The following CDYL variants were observed in gnomAD, a reference collection of about 807,000 sequenced individuals.
CDYL encodes chromodomain Y like.
Under a neutral mutation model 47.3 loss-of-function variants are expected in CDYL, and 8 were observed. The observed-to-expected ratio is 0.17, with a 90% CI of 0.10 to 0.31. CDYL has a LOEUF of 0.31. Among genes scored for constraint, CDYL ranks in the 10% least tolerant of loss-of-function variants. The pLI is 1.00. For missense variants in CDYL, 471 were observed against 701.4 expected (o/e 0.67, Z 3.71); for synonymous variants, 266 against 265.0 (o/e 1.00, Z -0.04).
At chr6:4,750,553 G>A (rs1757971893) in intron 3 of CDYL, among the ~76,000 whole-genome samples, 1 of 152,296 alleles carries the variant, frequency 6.6e-6, no homozygotes, top group Non-Finnish European at 1.5e-5. Context: ...GGTAGTCTCA[G>A]CTACTCAGGA....
At chr6:4,782,014 C>A (rs998375826) in intron 1 of CDYL, among the ~76,000 whole-genome samples, 2 of 132,574 alleles carry the variant, frequency 1.5e-5, no homozygotes, top group African/African-American at 5.6e-5. Flanking sequence ...TTAGGAGCCT[C>A]TGGATACGCC....
intron 3 of CDYL, among the ~76,000 whole-genome samples, chr6:4,755,660 T>G: frequency 6.6e-6 from 1 of 152,334 alleles, no homozygotes; most frequent in South Asian, 2.1e-4. Context: ...AGAAAACTTT[T>G]ATCAATTATA....
chr6:4,841,744 G>A (rs1760496281), intron 1 of CDYL, among the ~76,000 whole-genome samples: 1 of 151,842 alleles, frequency 6.6e-6, no homozygotes, highest in Middle Eastern at 3.2e-3. Flanking sequence ...TTATTCCACT[G>A]TGGTCTGAAA....
chr6:4,875,469 G>A (rs573543144), intron 1 of CDYL, among the ~76,000 whole-genome samples: 1 of 152,038 alleles, frequency 6.6e-6, no homozygotes, highest in African/African-American at 2.4e-5. Flanking sequence ...CAATTTATAG[G>A]TACTCTTTAA....
chr6:4,937,873 T>C, intron 4 of CDYL, 136 bp downstream of exon 4: 2 of 665,530 alleles, frequency 3.0e-6, no homozygotes, highest in Non-Finnish European at 4.9e-6. Context: ...AGCAGCAAAA[T>C]TAATTAAATC....
intron 1 of CDYL, among the ~76,000 whole-genome samples, chr6:4,816,691 G>A (rs1348290724): frequency 1.3e-5 from 2 of 151,862 alleles, no homozygotes; most frequent in African/African-American, 4.8e-5. Flanking sequence ...GTTTTGCGAT[G>A]TTGCCCAGGC....
Position 4,935,750 on chromosome 6 carries a change from G to A in CDYL, c.927G>A (p.Glu309=), listed in dbSNP as rs774469826. The A allele has an allele frequency of 1.2e-6, 2 of 1,614,268 alleles. No homozygotes were observed. Among genetic ancestry groups the A allele is most frequent in the Non-Finnish European group, 8.5e-7 (1 of 1,180,046 alleles). The change falls in exon 3 of 7, where the codon GAG becomes GAA. Residue 309 remains glutamate, a synonymous_variant. Transcript: ENST00000397588. The part of the protein sequence containing the change: ...THILLSTKSS[E]NNSLNPEVMR... The stretch of plus-strand genomic sequence containing the variant: ...TCTTGTTATCCACAAAGTCCTCAGA[G>A]AATAACTCACTAAATCCAGAGGTGA...
chr6:4,900,809 A>C (rs192698182), intron 2 of CDYL, among the ~76,000 whole-genome samples: 34 of 95,854 alleles, frequency 3.5e-4, no homozygotes, highest in African/African-American at 1.4e-3. Context: ...ATATATATAT[A>C]TATATATATA....
chr6:4,719,263 T>A (rs1683431286), intron 2 of CDYL, among the ~76,000 whole-genome samples: 1 of 152,226 alleles, frequency 6.6e-6, no homozygotes, highest in African/African-American at 2.4e-5. Flanking sequence ...ATAATAAACA[T>A]CTTCATATGT....
intron 2 of CDYL, among the ~76,000 whole-genome samples, chr6:4,914,423 C>T (rs1757499686): frequency 6.6e-6 from 1 of 152,162 alleles, no homozygotes; most frequent in Non-Finnish European, 1.5e-5. Context: ...CCAGTCCACA[C>T]GCAGCCTCTT....
rs568359437 is a variant in CDYL, at chr6:4,850,600, G to A, written c.25-41113G>A. ...ACTGTATAGCCCTAAAATTTATAAT[G>A]GTTCAGGAGAACTTTGGATATAATA... On this transcript the variant is annotated intron_variant, in intron 1 of 6. Transcript: ENST00000397588. 9.2e-5 allele frequency among the ~76,000 whole-genome samples: 14 copies of A among 152,208 alleles called. 1 individual carries two copies. The South Asian group carries it at 2.9e-3, about 32-fold the overall frequency.
chr6:4,718,921 T>C (rs1757320384), intron 2 of CDYL, among the ~76,000 whole-genome samples: 1 of 152,080 alleles, frequency 6.6e-6, no homozygotes, highest in Non-Finnish European at 1.5e-5. Flanking sequence ...GGTTTTTTTT[T>C]TTCTTTTTTT....
Position 4,943,567 on chromosome 6 carries a change from T to C in CDYL, c.1143T>C (p.Ile381=). 1 of 1,606,062 alleles carries C rather than the reference T, an allele frequency of 6.2e-7. No homozygotes were observed. The highest frequency in any genetic ancestry group is 1.1e-5 in the South Asian group (1 of 90,202). The change falls in exon 5 of 7, where the codon ATT becomes ATC. Residue 381 remains isoleucine (I), a synonymous_variant. Transcript: ENST00000397588. Reference sequence around the variant, plus strand: ...TTAGAAACTTCGTGAATACTTTCATTCAATTTAAGAAGCCCATTATTGTAG... The same window carrying C: ...TTAGAAACTTCGTGAATACTTTCATCCAATTTAAGAAGCCCATTATTGTAG... ...EAIRNFVNTF[I]QFKKPIIVAV...
At chr6:4,899,671 C>A (rs1174502153) in intron 2 of CDYL, among the ~76,000 whole-genome samples, 1 of 152,198 alleles carries the variant, frequency 6.6e-6, no homozygotes, top group Non-Finnish European at 1.5e-5. Context: ...CCCTTTCAGG[C>A]AGCAATAGAG....
chr6:4,744,718 G>A (rs1384459745), intron 3 of CDYL, among the ~76,000 whole-genome samples: 2 of 152,150 alleles, frequency 1.3e-5, no homozygotes, highest in Admixed American at 6.5e-5. Flanking sequence ...AGGAAACTAC[G>A]GCTTAAAGAG....
intron 1 of CDYL, among the ~76,000 whole-genome samples, chr6:4,862,114 T>C (rs1415719165): frequency 2.0e-5 from 3 of 152,154 alleles, no homozygotes; most frequent in African/African-American, 7.2e-5. Flanking sequence ...CAGGTCTCTG[T>C]GTGTGCCAGG....
intron 1 of CDYL, among the ~76,000 whole-genome samples, chr6:4,884,710 A>G (rs1761855911): frequency 6.6e-6 from 1 of 152,220 alleles, no homozygotes; most frequent in South Asian, 2.1e-4. Flanking sequence ...GTGGGCAGGC[A>G]TGCCCATTAT....
chr6:4,775,868 T>C (rs1253939849), upstream of CDYL, among the ~76,000 whole-genome samples: 1 of 150,370 alleles, frequency 6.7e-6, no homozygotes, highest in Non-Finnish European at 1.5e-5. The surrounding 1 kb of genome is among the most constrained non-coding windows in gnomAD (Gnocchi z 7.0). Context: ...AGGCCGCCTC[T>C]TGGGCTCCTC....
intron 3 of CDYL, among the ~76,000 whole-genome samples, chr6:4,936,974 A>G (rs1480739659): frequency 2.0e-5 from 3 of 152,238 alleles, no homozygotes; most frequent in Non-Finnish European, 4.4e-5. Flanking sequence ...AGAAAATGAG[A>G]CATTTGCAAA....
Sources: gnomAD v4.1 joint callset for allele counts (sites outside exome capture counted in the v4.1 genomes callset) on GRCh38, gnomAD v4.1.1 for gene constraint, Gnocchi (gnomAD v3.1) non-coding constraint, MANE v1.5 for transcripts, NCBI Gene and HGNC (gene_info 2026-07-23, HGNC 2026-07-21) for gene names.